The following ITFG1 variants were observed in gnomAD, a reference collection of about 807,000 sequenced individuals.
ITFG1 encodes T-cell immunomodulatory protein.
Under a neutral mutation model 81.8 loss-of-function variants are expected in ITFG1, and 34 were observed. The ratio of observed to expected loss-of-function variants is 0.42; its 90% confidence interval spans 0.32 to 0.55. The LOEUF is 0.55. Ranked by LOEUF, ITFG1 falls within the 20% of genes least tolerant of loss-of-function variation. ITFG1 has a pLI of 0.17. For synonymous variants in ITFG1, 285 were observed against 270.6 expected, an observed-to-expected ratio of 1.05 and a Z score of -0.52; for missense variants, 672 against 755.4, an observed-to-expected ratio of 0.89 and a Z score of 1.29.
chr16:47,155,817 A>C (rs1195021203), intron 17 of ITFG1, 39 bp from the exon 18 acceptor site: 3 of 1,454,844 alleles, frequency 2.1e-6, no homozygotes, highest in African/African-American at 2.8e-5. Context: ...AATGGTAGAA[A>C]GATGTTATGA....
rs1348377151 is a variant in ITFG1 at position 47,300,221 on chromosome 16, CCTTCTGCTTCCTATTTTTTT to C, written c.1070+10999_1070+11018del. Reference sequence around the variant, plus strand: ...TCTGGTCAAATAGGCTTCCTGTTTTCCTTCTGCTTCCTATTTTTTTCTTGTTGCTTTTCTGTTGACTTCCT... The same window carrying C: ...TCTGGTCAAATAGGCTTCCTGTTTTCCTTGTTGCTTTTCTGTTGACTTCCT... On this transcript the variant is annotated intron_variant, in intron 10 of 17. Transcript: ENST00000320640. Among the ~76,000 whole-genome samples the C allele has an allele frequency of 3.3e-5, 5 of 152,320 alleles. No individual in the cohort carries two copies. The East Asian group carries it at 9.6e-4, about 29-fold the overall frequency.
At chr16:47,302,475 C>T (rs1283359402) in intron 10 of ITFG1, among the ~76,000 whole-genome samples, 1 of 152,022 alleles carries the variant, frequency 6.6e-6, no homozygotes, top group African/African-American at 2.4e-5. Context: ...TCCTCACAGC[C>T]CTCGCTTGCT....
At chr16:47,443,391 T>C (rs534554453) in intron 5 of ITFG1, among the ~76,000 whole-genome samples, 2 of 152,162 alleles carry the variant, frequency 1.3e-5, no homozygotes, top group Non-Finnish European at 2.9e-5. Context: ...AGACGTCCCA[T>C]TACTGGGTAT....
rs141860416 is a variant in ITFG1, at chr16:47,234,706, T to C, written c.1374+3259A>G. ...ATATGACTTGGATTCCATATAAAAC[T>C]GTGATATAATTTAAAAAAGCTCATT... On this transcript the variant is annotated intron_variant, in intron 13 of 17. Transcript: ENST00000320640. 7.1e-3 allele frequency among the ~76,000 whole-genome samples: 1,084 copies of C among 152,168 alleles called. 15 individuals are homozygous for C. Among genetic ancestry groups the C allele is most frequent in the African/African-American group, 0.025 (1,039 of 41,508 alleles).
At chr16:47,409,510 G>T (rs1968782219) in intron 6 of ITFG1, among the ~76,000 whole-genome samples, 1 of 135,716 alleles carries the variant, frequency 7.4e-6, no homozygotes, top group African/African-American at 2.8e-5. Flanking sequence ...CCACCTCCTG[G>T]GTTCAAGCAA....
chr16:47,452,912 T>G, intron 3 of ITFG1, 122 bp from the exon 4 acceptor site: 1 of 541,124 alleles, frequency 1.8e-6, no homozygotes, highest in Non-Finnish European at 3.2e-6. Context: ...ATTCCAACTA[T>G]TATCATTAAT....
At chr16:47,392,166 C>T (rs1041493168) in intron 6 of ITFG1, among the ~76,000 whole-genome samples, 9 of 152,102 alleles carry the variant, frequency 5.9e-5, no homozygotes, top group South Asian at 2.1e-4. Context: ...GTAATCCCAG[C>T]GCTTTGGGAA....
intron 5 of ITFG1, among the ~76,000 whole-genome samples, chr16:47,435,746 G>A (rs571440679): frequency 1.8e-4 from 27 of 152,234 alleles, no homozygotes; most frequent in African/African-American, 6.0e-4. Flanking sequence ...CTTTAGTCCT[G>A]CGGTCTTCAA....
Position 47,398,250 on chromosome 16 carries a change from G to A in ITFG1, c.656-22310C>T, listed in dbSNP as rs141434705. 2.0e-4 allele frequency among the ~76,000 whole-genome samples: 31 copies of A among 152,026 alleles called. No homozygotes were observed. The East Asian group carries it at 6.0e-3, about 29-fold the overall frequency. The stretch of plus-strand genomic sequence containing the variant: ...TCATCCCCAGTGTCTATTTACAGGC[G>A]CTGATGAAGAAAAGAAGTGGCAGGA... On this transcript the variant is annotated intron_variant, in intron 6 of 17. Transcript: ENST00000320640.
intron 14 of ITFG1, among the ~76,000 whole-genome samples, chr16:47,210,038 A>G (rs147461307): frequency 2.0e-4 from 30 of 151,776 alleles, no homozygotes; most frequent in African/African-American, 6.3e-4. Flanking sequence ...TGAACATTTA[A>G]CTTTTCATCT....
intron 6 of ITFG1, chr16:47,396,175 T>A (rs1968590554): frequency 1.0e-6 from 1 of 985,116 alleles, no homozygotes; most frequent in Non-Finnish European, 1.2e-6. Context: ...TACATTTGCC[T>A]CTGAAGAAAA....
At chr16:47,383,375 A>T (rs1038873628) in intron 6 of ITFG1, among the ~76,000 whole-genome samples, 3 of 152,190 alleles carry the variant, frequency 2.0e-5, no homozygotes, top group Non-Finnish European at 4.4e-5. Flanking sequence ...AGGGCAATGA[A>T]ATCAGTCTGC....
intron 14 of ITFG1, among the ~76,000 whole-genome samples, chr16:47,208,261 A>C (rs1449148348): frequency 6.6e-6 from 1 of 152,170 alleles, no homozygotes; most frequent in African/African-American, 2.4e-5. Context: ...GAAGTCCTTA[A>C]CTTCTGTATG....
At chr16:47,391,429 C>T (rs1030068966) in intron 6 of ITFG1, among the ~76,000 whole-genome samples, 3 of 152,082 alleles carry the variant, frequency 2.0e-5, no homozygotes, top group Non-Finnish European at 4.4e-5. Context: ...TTTGTCTTAG[C>T]TACCAATTTA....
intron 6 of ITFG1, among the ~76,000 whole-genome samples, chr16:47,404,868 CTTAAT>C (rs1300667368): frequency 6.6e-6 from 1 of 152,102 alleles, no homozygotes; most frequent in Non-Finnish European, 1.5e-5. Flanking sequence ...GTGGTTTTAA[CTTAAT>C]TTCTCTGATT....
At chr16:47,371,553 C>T (rs1433150883) in intron 7 of ITFG1, among the ~76,000 whole-genome samples, 4 of 152,098 alleles carry the variant, frequency 2.6e-5, no homozygotes, top group East Asian at 3.9e-4. Context: ...AATGCTTTGG[C>T]TTTCATGTTT....
chr16:47,299,925 G>T, intron 10 of ITFG1: 1 of 152,336 alleles, frequency 6.6e-6, no homozygotes. Context: ...CTCGTTCCTG[G>T]GACTGTGCAT....
At chr16:47,192,754 AGTTT>A (rs754900729) in intron 14 of ITFG1, among the ~76,000 whole-genome samples, 1 of 152,126 alleles carries the variant, frequency 6.6e-6, no homozygotes, top group Non-Finnish European at 1.5e-5. Context: ...TAACTCTGGA[AGTTT>A]GTTTGTTTGT....
chr16:47,169,925 T>TA (rs1289087671), intron 14 of ITFG1, among the ~76,000 whole-genome samples: 1 of 152,242 alleles, frequency 6.6e-6, no homozygotes, highest in East Asian at 1.9e-4. Flanking sequence ...TTTTTTTTAG[T>TA]ATCTATTGAA....
Sources: allele counts gnomAD v4.1 joint callset (sites outside exome capture counted in the v4.1 genomes callset), GRCh38; gene constraint gnomAD v4.1.1; transcripts MANE v1.5; gene names NCBI Gene and HGNC (gene_info 2026-07-23, HGNC 2026-07-21).